The following DHX30 variants were observed in gnomAD, a reference collection of about 807,000 sequenced individuals.
DHX30 encodes ATP-dependent RNA helicase DHX30.
In DHX30, 4 loss-of-function variants were observed where a neutral mutation model predicts 116.9. That is an observed-to-expected ratio of 0.03 (90% CI 0.02 to 0.08). The LOEUF is 0.08. Among genes scored for constraint, DHX30 ranks in the 10% least tolerant of loss-of-function variants. The pLI is 1.00. For missense variants in DHX30, 871 were observed against 1,595.1 expected (o/e 0.55, Z 7.73); for synonymous variants, 697 against 651.7 (o/e 1.07, Z -1.06).
chr3:47,840,410 C>G (rs2037318726), intron 6 of DHX30, among the ~76,000 whole-genome samples: 1 of 151,452 alleles, frequency 6.6e-6, no homozygotes, highest in Admixed American at 6.6e-5. Context: ...TTTGGGAGGC[C>G]AAGGCGGGCG....
intron 19 of DHX30, 23 bp downstream of exon 19, chr3:47,849,372 G>C (rs1559726496): frequency 1.9e-6 from 3 of 1,600,662 alleles, no homozygotes; most frequent in Non-Finnish European, 2.6e-6. Flanking sequence ...GGAGGGAATG[G>C]AGTTCACCAG....
At position 47,847,130 on chromosome 3, in the gene DHX30, TG is replaced by T. The variant is rs2037647155; in HGVS notation, c.1929+133del. On this transcript the variant is annotated intron_variant, in intron 11 of 21. Transcript: ENST00000445061. The surrounding 1 kb of genome is among the most constrained non-coding windows in gnomAD (Gnocchi z 5.5). The stretch of plus-strand genomic sequence containing the variant: ...AGTCCTCGGTTTCCTTGATAGAAAC[TG>T]GGGACTAACCCTGCCTGCGTGGCAC... 2.7e-6 allele frequency: 4 copies of T among 1,475,572 alleles called. No individual in the cohort carries two copies. The Admixed American group carries it at 7.2e-5, about 26-fold the overall frequency. The allele number at this position is 1,475,572 out of a possible 1,614,324, so 91.4% of individuals were successfully genotyped here. A position where few individuals can be genotyped will look rare whatever the true frequency, so the allele number is the denominator to read the frequency against.
At chr3:47,825,236 G>A in intron 4 of DHX30, 4 of 625,658 alleles carry the variant, frequency 6.4e-6, no homozygotes, top group Non-Finnish European at 1.1e-5. Context: ...GGCGACGGAA[G>A]CTTGGTGAAC....
intron 9 of DHX30, 116 bp downstream of exon 9, chr3:47,843,371 C>G (rs893059035): frequency 7.1e-7 from 1 of 1,416,100 alleles, no homozygotes; most frequent in African/African-American, 1.4e-5. Flanking sequence ...GGCCTTTTGC[C>G]TGGCACAAAG....
chr3:47,848,043 G>C lies in DHX30; in HGVS notation c.2286+87G>C, dbSNP rs1318019136. ...CCCAGCCCAGATCTACCTTAGACCT[G>C]CTTTGTGTGTCTTCAGAAGGCCGCG... is the stretch of plus-strand genomic sequence containing the variant. On this transcript the variant is annotated intron_variant, in intron 14 of 21. Coordinates refer to ENST00000445061, the MANE Select transcript of DHX30 (RefSeq NM_138615.3). The surrounding 1 kb of genome is among the most constrained non-coding windows in gnomAD (Gnocchi z 9.4). 1.3e-6 allele frequency: 2 copies of C among 1,588,088 alleles called. No individual in the cohort carries two copies. The highest frequency in any genetic ancestry group is 2.7e-5 in the African/African-American group (2 of 74,440).
At chr3:47,812,809 G>A (rs1376732557) in intron 3 of DHX30, among the ~76,000 whole-genome samples, 5 of 150,916 alleles carry the variant, frequency 3.3e-5, no homozygotes, top group African/African-American at 9.7e-5. Context: ...GACTACAGGC[G>A]TGTGCCACCA....
At position 47,805,347 on chromosome 3, in the gene DHX30, G is replaced by A. The variant is rs2035468760; in HGVS notation, c.-101G>A. On this transcript the variant is annotated 5_prime_UTR_variant, in exon 2 of 22. It removes an upstream start codon present in the reference 5' UTR. Coordinates refer to ENST00000445061, the MANE Select transcript of DHX30 (RefSeq NM_138615.3). ...TCAGGAGGAGGCCCAGCCTCGTGATGAGGAATAGCAAGGAGAGAATTCAGC... is the reference window on the plus strand; with the variant it reads ...TCAGGAGGAGGCCCAGCCTCGTGATAAGGAATAGCAAGGAGAGAATTCAGC... The A allele has an allele frequency of 2.5e-6, 1 of 398,966 alleles. No individual in the cohort carries two copies. The highest frequency in any genetic ancestry group is 4.4e-6 in the Non-Finnish European group (1 of 226,092). The allele number at this position is 398,966 out of a possible 1,614,324, so 24.7% of individuals were successfully genotyped here.
chr3:47,832,936 GCCT>G (rs1186196306), intron 6 of DHX30, among the ~76,000 whole-genome samples: 1 of 146,952 alleles, frequency 6.8e-6, no homozygotes, highest in African/African-American at 2.5e-5. Flanking sequence ...ACTGTGCCTG[GCCT>G]CTTTTTTTTT....
At chr3:47,845,937 G>A in intron 10 of DHX30, 85 bp downstream of exon 10, 1 of 1,520,596 alleles carries the variant, frequency 6.6e-7, no homozygotes. Flanking sequence ...CCTGCGACAG[G>A]CAGTAGTACC....
chr3:47,830,590 C>T lies in DHX30; in HGVS notation c.366+1456C>T, dbSNP rs573724449. ...TGCTGGGTTTACAAACATGCGGCAC[C>T]GTGCCTAGCTCTAATTTTTCTGAGA... On this transcript the variant is annotated intron_variant, in intron 6 of 21. Transcript: ENST00000445061. Among the ~76,000 whole-genome samples the T allele has an allele frequency of 8.5e-5, 13 of 152,048 alleles. No homozygotes were observed. The East Asian group carries it at 1.7e-3, about 20-fold the overall frequency.
chr3:47,826,663 G>A (rs2036568703), intron 4 of DHX30, among the ~76,000 whole-genome samples: 1 of 151,942 alleles, frequency 6.6e-6, no homozygotes, highest in Non-Finnish European at 1.5e-5. Context: ...CACTATGTTG[G>A]CCAGGTTGTC....
chr3:47,806,270 A>T (rs1409822210), intron 2 of DHX30, among the ~76,000 whole-genome samples: 1 of 150,186 alleles, frequency 6.7e-6, no homozygotes, highest in Admixed American at 6.7e-5. Flanking sequence ...CAGCCTCCTG[A>T]GTAGCTGGGA....
At chr3:47,815,160 G>A (rs899558198) in intron 3 of DHX30, among the ~76,000 whole-genome samples, 1 of 152,112 alleles carries the variant, frequency 6.6e-6, no homozygotes, top group Non-Finnish European at 1.5e-5. Flanking sequence ...GCTTGAATCT[G>A]GCTTTCCCTA....
In DHX30 at chr3:47,847,190, G is replaced by A. The variant is rs763690737; in HGVS notation, c.1930-83G>A. The A allele has an allele frequency of 2.2e-4, 351 of 1,570,858 alleles. 1 individual carries two copies. The highest frequency in any genetic ancestry group is 2.8e-4 in the Non-Finnish European group (319 of 1,141,902). On this transcript the variant is annotated intron_variant, in intron 11 of 21. Transcript: ENST00000445061. This position sits in a 1 kb window ranked among gnomAD's most constrained non-coding sequence, Gnocchi z 5.5. ...ATTGGAGTTGATGTCAAGCGGCTCC[G>A]TCTCACTGAGTCAGGTGGCTGTGTC...
intron 4 of DHX30, among the ~76,000 whole-genome samples, chr3:47,826,852 G>C (rs1332421117): frequency 6.6e-6 from 1 of 152,188 alleles, no homozygotes; most frequent in Non-Finnish European, 1.5e-5. Flanking sequence ...CTGGTATTCA[G>C]CATCTGGATC....
chr3:47,841,489 C>A, intron 7 of DHX30, 128 bp from the exon 8 acceptor site: 1 of 1,318,092 alleles, frequency 7.6e-7, no homozygotes, highest in South Asian at 1.4e-5. Flanking sequence ...GGTTTCCCAT[C>A]CATTTCATGC....
intron 8 of DHX30, 97 bp from the exon 9 acceptor site, chr3:47,843,009 C>A: frequency 6.8e-7 from 1 of 1,460,130 alleles, no homozygotes; most frequent in Non-Finnish European, 9.4e-7. Flanking sequence ...GAGATGGTGG[C>A]TCATTCTGTC....
At chr3:47,839,803 G>A (rs2037285318) in intron 6 of DHX30, among the ~76,000 whole-genome samples, 1 of 151,836 alleles carries the variant, frequency 6.6e-6, no homozygotes, top group Non-Finnish European at 1.5e-5. Flanking sequence ...AGCCCCCTGA[G>A]TAGCTGAGAT....
At chr3:47,841,948 G>A (rs757238669) in intron 8 of DHX30, 7 of 626,520 alleles carry the variant, frequency 1.1e-5, no homozygotes, top group Admixed American at 2.9e-5. Flanking sequence ...CTTGGGGGCC[G>A]CAAGAGCAGA....
Sources: allele counts gnomAD v4.1 joint callset (sites outside exome capture counted in the v4.1 genomes callset), GRCh38; gene constraint gnomAD v4.1.1; non-coding constraint Gnocchi (gnomAD v3.1); transcripts MANE v1.5; gene names NCBI Gene and HGNC (gene_info 2026-07-23, HGNC 2026-07-21).